ZSCAN5A: variants seen among roughly 807,000 people sequenced by gnomAD.
ZSCAN5A encodes zinc finger and SCAN domain containing 5A, also known as zinc finger and SCAN domain-containing protein 5A.
Under a neutral mutation model 23.7 loss-of-function variants are expected in ZSCAN5A, and 12 were observed. The ratio of observed to expected loss-of-function variants is 0.51; its 90% CI spans 0.32 to 0.82. ZSCAN5A has a LOEUF of 0.82. Ranked by LOEUF, ZSCAN5A falls within the 40% of genes least tolerant of loss-of-function variation. ZSCAN5A has a pLI of 0.03. For missense variants in ZSCAN5A, 597 were observed against 617.9 expected (o/e 0.97, Z 0.36); for synonymous variants, 257 against 239.9 (o/e 1.07, Z -0.66).
intron 2 of ZSCAN5A, among the ~76,000 whole-genome samples, chr19:56,335,066 C>G (rs2041522314): frequency 6.6e-6 from 1 of 152,088 alleles, no homozygotes. Context: ...ATTGCATGAG[C>G]TGACAGACAA....
intron 2 of ZSCAN5A, among the ~76,000 whole-genome samples, chr19:56,342,184 G>A (rs1399281031): frequency 6.6e-6 from 1 of 151,708 alleles, no homozygotes; most frequent in Non-Finnish European, 1.5e-5. Flanking sequence ...TTCATGACAT[G>A]CTTGGATTTT....
intron 2 of ZSCAN5A, among the ~76,000 whole-genome samples, chr19:56,336,652 G>C (rs2041540171): frequency 6.6e-6 from 1 of 152,228 alleles, no homozygotes; most frequent in African/African-American, 2.4e-5. Flanking sequence ...TGGAGGAGGA[G>C]AGGTGCTCTG....
At chr19:56,265,932 A>C (rs2037439408) in intron 2 of ZSCAN5A, among the ~76,000 whole-genome samples, 2 of 152,166 alleles carry the variant, frequency 1.3e-5, no homozygotes, top group Admixed American at 6.5e-5. Context: ...ACGTGCATTA[A>C]CTATCCCACC....
At chr19:56,332,854 G>A (rs144682759) in intron 2 of ZSCAN5A, among the ~76,000 whole-genome samples, 2 of 152,082 alleles carry the variant, frequency 1.3e-5, no homozygotes, top group Non-Finnish European at 2.9e-5. Context: ...CTGGTCTAGT[G>A]GTAACAAATA....
chr19:56,285,679 C>T (rs2039054843), intron 2 of ZSCAN5A, among the ~76,000 whole-genome samples: 1 of 152,104 alleles, frequency 6.6e-6, no homozygotes, highest in African/African-American at 2.4e-5. Context: ...CAGAATTTCA[C>T]TATGTCGGCC....
chr19:56,269,525 G>T (rs900145913), intron 2 of ZSCAN5A, among the ~76,000 whole-genome samples: 2 of 152,126 alleles, frequency 1.3e-5, no homozygotes, highest in Non-Finnish European at 2.9e-5. Context: ...GACCTTGTGG[G>T]GAGATTATCC....
rs187472309 is a variant in ZSCAN5A, at chr19:56,260,302, C to T, written c.-127-35129G>A. On this transcript the variant is annotated intron_variant, in intron 2 of 5. Coordinates refer to ENST00000683990, the MANE Select transcript of ZSCAN5A (RefSeq NM_001322064.3). ...CGATCTCGGCTCACTGCAACCTCCG[C>T]TTCCAGGGTTCAAGCAATTCTCCTG... Among the ~76,000 whole-genome samples, 211 of 150,906 alleles carry T rather than the reference C, an allele frequency of 1.4e-3. 2 individuals are homozygous for T. In the East Asian group the frequency reaches 0.037, roughly 27 times the overall value.
At chr19:56,309,391 G>T (rs1263992945) in intron 2 of ZSCAN5A, among the ~76,000 whole-genome samples, 1 of 152,218 alleles carries the variant, frequency 6.6e-6, no homozygotes, top group East Asian at 1.9e-4. Context: ...TGCACAACAT[G>T]GCGAATGTAA....
At chr19:56,334,496 A>G (rs950259505) in intron 2 of ZSCAN5A, among the ~76,000 whole-genome samples, 1 of 152,176 alleles carries the variant, frequency 6.6e-6, no homozygotes, top group Non-Finnish European at 1.5e-5. Flanking sequence ...TAGTAGGTGT[A>G]TATGTTTATG....
At chr19:56,270,886 G>C (rs2037799704) in intron 2 of ZSCAN5A, among the ~76,000 whole-genome samples, 3 of 152,152 alleles carry the variant, frequency 2.0e-5, no homozygotes, top group Non-Finnish European at 2.9e-5. Context: ...AATGTCAGCT[G>C]TGCCAATGGT....
intron 2 of ZSCAN5A, chr19:56,246,861 C>T (rs545088078): frequency 1.0e-4 from 167 of 1,610,936 alleles, no homozygotes; most frequent in African/African-American, 1.0e-3. Flanking sequence ...GCAGAGGAGA[C>T]GCTCTGAATC....
intron 2 of ZSCAN5A, among the ~76,000 whole-genome samples, chr19:56,307,787 T>G (rs1222664785): frequency 3.9e-5 from 6 of 152,266 alleles, no homozygotes; most frequent in Non-Finnish European, 8.8e-5. Context: ...GTCCATGTGC[T>G]ATATTTTGGG....
rs2033175189 is a variant in ZSCAN5A at position 56,221,644 on chromosome 19, T to C, written c.1422A>G (p.Pro474=). 3.1e-6 allele frequency: 5 copies of C among 1,614,172 alleles called. 1 individual carries two copies. The East Asian group carries it at 1.1e-4, about 36-fold the overall frequency. The part of the protein sequence containing the change: ...GEKPYKCSKC[P]RAFSRLKLLR... ...ACAATTTCAGCCGACTGAAGGCTCT[T>C]GGACACTTGGAACATTTGTAGGGTT... Residue 474 remains proline (P), a synonymous_variant, in exon 6 of 6, where the codon CCA becomes CCG. Coordinates refer to ENST00000683990, the MANE Select transcript of ZSCAN5A (RefSeq NM_001322064.3).
rs1385113375 is a variant in ZSCAN5A at position 56,246,359 on chromosome 19, C to A, written c.-127-21186G>T. On this transcript the variant is annotated intron_variant, in intron 2 of 5. Coordinates refer to ENST00000683990, the MANE Select transcript of ZSCAN5A (RefSeq NM_001322064.3). ...CCAGAGACTACTGTCATGAAAAGTG[C>A]CCCAAAGGCTCTGAGACCCAAGCCA... is the stretch of plus-strand genomic sequence containing the variant. 6.0e-6 allele frequency: 3 copies of A among 497,898 alleles called. No homozygotes were observed. The South Asian group carries it at 7.4e-5, about 12-fold the overall frequency. The allele number at this position is 497,898 out of a possible 1,614,324, so 30.8% of individuals were successfully genotyped here.
chr19:56,226,929 C>A (rs7248173), intron 2 of ZSCAN5A, among the ~76,000 whole-genome samples: 6 of 151,858 alleles, frequency 4.0e-5, no homozygotes, highest in Admixed American at 3.3e-4. Context: ...GTTCAAATTA[C>A]AAAAAAAAAT....
chr19:56,337,327 T>A (rs2147444000), intron 2 of ZSCAN5A, among the ~76,000 whole-genome samples: 1 of 152,324 alleles, frequency 6.6e-6, no homozygotes, highest in Non-Finnish European at 1.5e-5. Context: ...CAGTTTGATC[T>A]CAGACTGCTG....
chr19:56,298,323 A>G (rs1365974617), intron 2 of ZSCAN5A: 1 of 152,068 alleles, frequency 6.6e-6, no homozygotes, highest in East Asian at 1.9e-4. Flanking sequence ...AACACAAATT[A>G]CCAAAAACAA....
In ZSCAN5A at chr19:56,222,048, T is replaced by A. The variant is rs369515811; in HGVS notation, c.1018A>T (p.Ser340Cys). Residue 340 changes from serine (S) to cysteine (C), a missense_variant, in exon 6 of 6, where the codon AGC becomes TGC. Transcript: ENST00000683990. Reference protein sequence around the residue: ...MNSIHSPGPASPVSHPDGQEA... With the variant: ...MNSIHSPGPACPVSHPDGQEA... Reference sequence around the variant, plus strand: ...TGGCCATCCGGGTGACTGACTGGGCTCGCAGGGCCTGGGGAATGAATTGAA... The same window carrying A: ...TGGCCATCCGGGTGACTGACTGGGCACGCAGGGCCTGGGGAATGAATTGAA... 1.9e-6 allele frequency: 3 copies of A among 1,614,068 alleles called. No individual in the cohort carries two copies. The African/African-American group carries it at 4.0e-5, about 22-fold the overall frequency.
At chr19:56,346,743 C>G (rs1369885046) in intron 2 of ZSCAN5A, among the ~76,000 whole-genome samples, 2 of 151,656 alleles carry the variant, frequency 1.3e-5, no homozygotes, top group African/African-American at 2.4e-5. Context: ...GAGTCTCGCT[C>G]TGTCGCCCAG....
Sources: gnomAD v4.1 joint callset for allele counts (sites outside exome capture counted in the v4.1 genomes callset) on GRCh38, gnomAD v4.1.1 for gene constraint, MANE v1.5 for transcripts, NCBI Gene and HGNC (gene_info 2026-07-23, HGNC 2026-07-21) for gene names.